TBC1D12: variants seen among roughly 807,000 people sequenced by gnomAD.
TBC1D12 encodes the protein TBC1 domain family member 12, also known as TBC1 domain family, member 12.
In TBC1D12, 56 loss-of-function variants were observed where a neutral mutation model predicts 86.7. That is an observed-to-expected ratio of 0.65 (90% CI 0.52 to 0.81). The LOEUF (loss-of-function observed/expected upper bound fraction) is 0.81, where lower values mean the gene tolerates loss of function less well. Among genes scored for constraint, TBC1D12 ranks in the 30% least tolerant of loss-of-function variants. The pLI, the probability that TBC1D12 is intolerant of heterozygous loss-of-function variation, is 0.00. For synonymous variants in TBC1D12, 421 were observed against 411.7 expected (o/e 1.02, Z -0.27); for missense variants, 1,023 against 1,038.8 (o/e 0.98, Z 0.21).
rs781092297 is a variant in TBC1D12 at position 94,447,223 on chromosome 10, G to A, written c.1095+5204G>A. Among the ~76,000 whole-genome samples, 25 of 151,548 alleles carry A rather than the reference G, an allele frequency of 1.6e-4. 1 individual carries two copies. In the East Asian group the frequency reaches 1.9e-3, roughly 12 times the overall value. ...TCATTTTTTTGTGTGGAAAAAACAC[G>A]TAATTATTTTTACATGTATATATTT... On this transcript the variant is annotated intron_variant, in intron 2 of 12. Coordinates refer to ENST00000225235, the MANE Select transcript of TBC1D12 (RefSeq NM_015188.2).
chr10:94,518,362 T>C (rs1170831719), intron 9 of TBC1D12, among the ~76,000 whole-genome samples: 1 of 151,944 alleles, frequency 6.6e-6, no homozygotes, highest in Non-Finnish European at 1.5e-5. Flanking sequence ...TACAGGCACA[T>C]GCCACCATGC....
At chr10:94,484,029 AAG>A (rs1047729561) in intron 3 of TBC1D12, among the ~76,000 whole-genome samples, 2 of 152,130 alleles carry the variant, frequency 1.3e-5, no homozygotes, top group African/African-American at 4.8e-5. Context: ...TCATTTATTG[AAG>A]AGACTGTTTT....
At chr10:94,524,308 T>C (rs1161493554) in intron 11 of TBC1D12, among the ~76,000 whole-genome samples, 4 of 152,198 alleles carry the variant, frequency 2.6e-5, no homozygotes, top group Non-Finnish European at 4.4e-5. Context: ...GACTCAGTCA[T>C]GTGGCCACAA....
chr10:94,531,414 G>T lies in TBC1D12; in HGVS notation c.2213G>T (p.Cys738Phe). 6.2e-7 allele frequency: 1 copy of T among 1,614,022 alleles called. No homozygotes were observed. Among genetic ancestry groups the T allele is most frequent in the Non-Finnish European group, 8.5e-7 (1 of 1,179,992 alleles). The change falls in exon 12 of 13, where the codon TGT (cysteine) becomes TTT (phenylalanine). Residue 738 changes from cysteine to phenylalanine, a missense_variant. Cys to Phe is a radical substitution (Grantham distance 205). Around this residue, in one of 2 missense-constraint regions of TBC1D12, gnomAD observed 395 missense variants for 507.7 expected, o/e 0.78. Transcript: ENST00000225235. ...ATCACATCGGAAAAGCTGTTCAGTTGTATTGCAGCCATTCAGATGCAGAAT... is the reference window on the plus strand; with the variant it reads ...ATCACATCGGAAAAGCTGTTCAGTTTTATTGCAGCCATTCAGATGCAGAAT... ...EDITSEKLFS[C>F]IAAIQMQNST...
At chr10:94,447,428 T>A (rs1054029862) in intron 2 of TBC1D12, among the ~76,000 whole-genome samples, 4 of 152,162 alleles carry the variant, frequency 2.6e-5, no homozygotes, top group Non-Finnish European at 5.9e-5. Context: ...CTGTTAAATA[T>A]TTTAAAACTT....
At chr10:94,508,417 C>T (rs1374825881) in intron 7 of TBC1D12, 2 of 152,194 alleles carry the variant, frequency 1.3e-5, no homozygotes, top group African/African-American at 4.8e-5. Flanking sequence ...AGGCATGAAC[C>T]ACTGTGCCTG....
chr10:94,481,263 G>A (rs1411617888), intron 3 of TBC1D12, among the ~76,000 whole-genome samples: 1 of 152,098 alleles, frequency 6.6e-6, no homozygotes, highest in East Asian at 1.9e-4. Context: ...AAGAGAGTCA[G>A]CCTGTCCTTT....
At chr10:94,472,460 T>G (rs1038860308) in intron 2 of TBC1D12, among the ~76,000 whole-genome samples, 22 of 152,152 alleles carry the variant, frequency 1.4e-4, no homozygotes. Flanking sequence ...TATTAATATA[T>G]TGGTTTGAAA....
intron 2 of TBC1D12, among the ~76,000 whole-genome samples, chr10:94,454,098 CT>C (rs1311652099): frequency 6.6e-6 from 1 of 152,140 alleles, no homozygotes; most frequent in Non-Finnish European, 1.5e-5. Flanking sequence ...TATTCTGGGT[CT>C]TTTGTCTCTC....
At chr10:94,505,502 G>C (rs1000452484) in intron 6 of TBC1D12, among the ~76,000 whole-genome samples, 2 of 152,202 alleles carry the variant, frequency 1.3e-5, no homozygotes, top group African/African-American at 2.4e-5. Flanking sequence ...GAACCCGGGA[G>C]GGGGAGGTTG....
chr10:94,498,693 T>G (rs376624585), intron 5 of TBC1D12, among the ~76,000 whole-genome samples: 30 of 152,210 alleles, frequency 2.0e-4, no homozygotes, highest in East Asian at 1.3e-3. Flanking sequence ...TGGCCTCAAG[T>G]GATCAGCCTG....
chr10:94,461,723 A>G (rs1029069396), intron 2 of TBC1D12, among the ~76,000 whole-genome samples: 1 of 147,014 alleles, frequency 6.8e-6, no homozygotes, highest in Non-Finnish European at 1.5e-5. Flanking sequence ...CTACTGCAGC[A>G]CTGCCAGAGG....
chr10:94,415,562 T>C (rs1324252489), intron 1 of TBC1D12, among the ~76,000 whole-genome samples: 1 of 152,000 alleles, frequency 6.6e-6, no homozygotes, highest in Non-Finnish European at 1.5e-5. Flanking sequence ...TGAAACCCCG[T>C]CTCTAGTAAA....
Position 94,503,404 on chromosome 10 carries a change from C to CT in TBC1D12, c.1519+3078dup, listed in dbSNP as rs1414396830. On this transcript the variant is annotated intron_variant, in intron 6 of 12. Transcript: ENST00000225235. ...TTTATTTCAGTTCTAAGAATTTACTCTGAGGAAATAGCCAGGATTGGATGC... is the reference window on the plus strand; with the variant it reads ...TTTATTTCAGTTCTAAGAATTTACTCTTGAGGAAATAGCCAGGATTGGATGC... Among the ~76,000 whole-genome samples, 5 of 152,246 alleles carry CT rather than the reference C, an allele frequency of 3.3e-5. No individual in the cohort carries two copies. The South Asian group carries it at 1.0e-3, about 32-fold the overall frequency.
At chr10:94,443,001 C>T (rs1245681064) in intron 2 of TBC1D12, among the ~76,000 whole-genome samples, 1 of 151,990 alleles carries the variant, frequency 6.6e-6, no homozygotes, top group Non-Finnish European at 1.5e-5. Context: ...TCAGGAAAAA[C>T]AAAGTTAGGG....
intron 1 of TBC1D12, among the ~76,000 whole-genome samples, chr10:94,410,041 A>T (rs1226008694): frequency 1.3e-5 from 2 of 152,172 alleles, no homozygotes; most frequent in Non-Finnish European, 2.9e-5. Context: ...TGTTACTTTT[A>T]AGTGAAAGTT....
At chr10:94,460,404 A>AT (rs140179735) in intron 2 of TBC1D12, among the ~76,000 whole-genome samples, 34 of 151,658 alleles carry the variant, frequency 2.2e-4, no homozygotes, top group East Asian at 2.0e-4. Context: ...TAGGTTTGCA[A>AT]TTTTTTTTCT....
intron 1 of TBC1D12, among the ~76,000 whole-genome samples, chr10:94,404,523 G>GT (rs1330326324): frequency 6.6e-6 from 1 of 151,430 alleles, no homozygotes; most frequent in Non-Finnish European, 1.5e-5. Context: ...GCAGGTGCTT[G>GT]TAATCCCAGC....
intron 2 of TBC1D12, among the ~76,000 whole-genome samples, chr10:94,473,235 C>T (rs2055935274): frequency 6.6e-6 from 1 of 151,588 alleles, no homozygotes; most frequent in Admixed American, 6.6e-5. Context: ...TGGCTGATGC[C>T]TGTAATCCCA....
Sources: allele counts gnomAD v4.1 joint callset (sites outside exome capture counted in the v4.1 genomes callset), GRCh38; gene constraint gnomAD v4.1.1; regional missense constraint gnomAD v4.1.1; transcripts MANE v1.5; gene names NCBI Gene and HGNC (gene_info 2026-07-23, HGNC 2026-07-21).